ACBD5: variants seen among roughly 807,000 people sequenced by gnomAD.
ACBD5 encodes the protein acyl-CoA-binding domain-containing protein 5.
In ACBD5, 40 loss-of-function variants were observed where a neutral mutation model predicts 71.8. The ratio of observed to expected loss-of-function variants is 0.56; its 90% CI spans 0.43 to 0.72. The LOEUF is 0.72. ACBD5 is among the 30% of genes least tolerant of loss of function. The pLI is 0.00. For missense variants in ACBD5, 559 were observed against 644.5 expected, an observed-to-expected ratio of 0.87 and a Z score of 1.44; for synonymous variants, 229 against 218.6, an observed-to-expected ratio of 1.05 and a Z score of -0.42.
At chr10:27,221,848 T>G (rs12098618) in intron 5 of ACBD5, among the ~76,000 whole-genome samples, 10,169 of 143,662 alleles carry the variant, frequency 0.071, 657 homozygotes, top group African/African-American at 0.18. Context: ...AACCCAGGAG[T>G]TGGAGGTTGC....
intron 8 of ACBD5, among the ~76,000 whole-genome samples, chr10:27,212,103 G>C (rs7476091): frequency 0.99 from 151,347 of 152,292 alleles, 75,210 homozygotes; most frequent in Middle Eastern, 1. Context: ...AATCCCAGCA[G>C]TTTGGGAGGC....
In ACBD5 at chr10:27,186,451, C is replaced by T. The variant is rs1432833139; in HGVS notation, c.1494-3736G>A. ...CAGCATCAGACTATGCCTTTCATCC[C>T]CCAGCCAGATGATGAAACAGATACC... On this transcript the variant is annotated intron_variant, in intron 13 of 13. Transcript: ENST00000676511. The T allele has an allele frequency of 2.5e-6, 4 of 1,613,858 alleles. No homozygotes were observed. The South Asian group carries it at 4.4e-5, about 18-fold the overall frequency.
chr10:27,204,325 A>T, intron 12 of ACBD5, 115 bp downstream of exon 12: 1 of 735,556 alleles, frequency 1.4e-6, no homozygotes, highest in Non-Finnish European at 2.4e-6. Context: ...TAGAATGTTC[A>T]CTATGACGAT....
chr10:27,197,284 G>T lies in ACBD5; in HGVS notation c.*146C>A. On this transcript the variant is annotated 3_prime_UTR_variant, in exon 13 of 13. Transcript: ENST00000396271. Reference sequence around the variant, plus strand: ...CGTTTGTGTAGTGCAAAATATATATGTGTATATATGTACACAAACTAAACT... The same window carrying T: ...CGTTTGTGTAGTGCAAAATATATATTTGTATATATGTACACAAACTAAACT... The T allele has an allele frequency of 1.3e-6, 1 of 750,620 alleles. No homozygotes were observed. Among genetic ancestry groups the T allele is most frequent in the Non-Finnish European group, 2.4e-6 (1 of 417,968 alleles). 46.5% of individuals were successfully genotyped at this position (750,620 alleles called of 1,614,324 possible).
At chr10:27,197,557 C>T in intron 12 of ACBD5, 115 bp from the exon 13 acceptor site, 2 of 826,748 alleles carry the variant, frequency 2.4e-6, no homozygotes, top group Non-Finnish European at 3.9e-6. Flanking sequence ...ATATTACCAA[C>T]AGTCTTTATA....
intron 5 of ACBD5, among the ~76,000 whole-genome samples, chr10:27,221,581 T>C (rs1169076807): frequency 4.6e-5 from 7 of 152,206 alleles, no homozygotes; most frequent in Admixed American, 4.6e-4. Flanking sequence ...TTTATTTCCC[T>C]CTGCATCCCA....
intron 13 of ACBD5, among the ~76,000 whole-genome samples, chr10:27,185,618 C>CA (rs34847161): frequency 0.56 from 54,847 of 98,434 alleles, 15,783 homozygotes; most frequent in Non-Finnish European, 0.67. Flanking sequence ...AGGTGACAGA[C>CA]AAAAAAAAAA....
intron 4 of ACBD5, among the ~76,000 whole-genome samples, chr10:27,224,488 T>C (rs6482611): frequency 0.069 from 10,436 of 152,218 alleles, 674 homozygotes; most frequent in African/African-American, 0.17. Context: ...TAAGGTAGCG[T>C]AGTATTTCTA....
At chr10:27,237,952 A>ATTTT (rs1564733815) in intron 2 of ACBD5, among the ~76,000 whole-genome samples, 22 of 144,888 alleles carry the variant, frequency 1.5e-4, no homozygotes, top group Admixed American at 3.4e-4. Context: ...AATTTAATTT[A>ATTTT]ATTTTATTTT....
At chr10:27,197,493 T>C in intron 12 of ACBD5, 51 bp from the exon 13 acceptor site, 2 of 1,332,182 alleles carry the variant, frequency 1.5e-6, no homozygotes, top group Middle Eastern at 1.8e-4. Context: ...ATGCAAATAA[T>C]TCTCTGGATG....
At position 27,210,912 on chromosome 10, in the gene ACBD5, T is replaced by G; in HGVS notation, c.1106A>C (p.Lys369Thr). 1 of 1,614,232 alleles carries G rather than the reference T, an allele frequency of 6.2e-7. No individual in the cohort carries two copies. The highest frequency in any genetic ancestry group is 8.5e-7 in the Non-Finnish European group (1 of 1,180,044). The change falls in exon 9 of 13, where the codon AAG (lysine) becomes ACG (threonine). Residue 369 changes from lysine to threonine, a missense_variant. Physicochemically the swap from Lys to Thr is moderately conservative, Grantham distance 78 (BLOSUM62 -1). Transcript: ENST00000396271. Reference sequence around the variant, plus strand: ...ATTCCTGCCATCTTCTCCTCCATGCTTGACTTCACCTTTTCCTTCAACTGC... The same window carrying G: ...ATTCCTGCCATCTTCTCCTCCATGCGTGACTTCACCTTTTCCTTCAACTGC... Reference protein sequence around the residue: ...VVAVEGKGEVKHGGEDGRNNS... With the variant: ...VVAVEGKGEVTHGGEDGRNNS...
In ACBD5 at chr10:27,208,428, A is replaced by G; in HGVS notation, c.1222T>C (p.Leu408=). 6.2e-7 allele frequency: 1 copy of G among 1,613,926 alleles called. No individual in the cohort carries two copies. The highest frequency in any genetic ancestry group is 8.5e-7 in the Non-Finnish European group (1 of 1,180,038). The change falls in exon 10 of 13, where the codon TTG becomes CTG. Residue 408 remains leucine, a synonymous_variant. Transcript: ENST00000396271. ...TGCCGGCCCTTGGTTCCTTCGCTCA[A>G]GTGTTGCATCCTATGTCCTATTTTA... is the stretch of plus-strand genomic sequence containing the variant. ...RRGRGHRMQH[L]SEGTKGRQVG...
At chr10:27,184,217 A>C (rs548645892) in intron 13 of ACBD5, among the ~76,000 whole-genome samples, 3 of 152,206 alleles carry the variant, frequency 2.0e-5, no homozygotes, top group Admixed American at 6.5e-5. Flanking sequence ...AGGAAGAAAA[A>C]TAAAGCAGGG....
At chr10:27,227,808 A>G (rs919843361) in intron 4 of ACBD5, among the ~76,000 whole-genome samples, 1 of 151,832 alleles carries the variant, frequency 6.6e-6, no homozygotes, top group African/African-American at 2.4e-5. Context: ...CGCCTCCTTA[A>G]TTCAAGTGAT....
downstream of ACBD5, among the ~76,000 whole-genome samples, chr10:27,193,114 C>CGTGTGT (rs58983291): frequency 3.6e-3 from 293 of 80,282 alleles, 2 homozygotes; most frequent in Non-Finnish European, 4.7e-3. Flanking sequence ...TTCCTTCCTT[C>CGTGTGT]GTGTGTGTGT....
At chr10:27,225,711 G>A (rs771257407) in intron 4 of ACBD5, among the ~76,000 whole-genome samples, 2 of 152,062 alleles carry the variant, frequency 1.3e-5, no homozygotes, top group Non-Finnish European at 2.9e-5. Context: ...TTCAAACCAA[G>A]AGAAATGTTT....
chr10:27,211,805 A>G (rs1014896818), intron 8 of ACBD5, among the ~76,000 whole-genome samples: 1 of 152,208 alleles, frequency 6.6e-6, no homozygotes, highest in African/African-American at 2.4e-5. Flanking sequence ...CACCTAAGAC[A>G]TCGATGGATG....
rs1336071493 is a variant in ACBD5, at chr10:27,208,402, C to T, written c.1248G>A (p.Gln416=). 3 of 1,614,180 alleles carry T rather than the reference C, an allele frequency of 1.9e-6. No individual in the cohort carries two copies. Among genetic ancestry groups the T allele is most frequent in the Non-Finnish European group, 2.5e-6 (3 of 1,180,042 alleles). Reference sequence around the variant, plus strand: ...GCTCCCCATCACCTCCACTTCCCACCTGCCGGCCCTTGGTTCCTTCGCTCA... The same window carrying T: ...GCTCCCCATCACCTCCACTTCCCACTTGCCGGCCCTTGGTTCCTTCGCTCA... ...QHLSEGTKGR[Q]VGSGGDGERW... The change falls in exon 10 of 13, where the codon CAG becomes CAA. Residue 416 remains glutamine (Q), a synonymous_variant. Coordinates refer to ENST00000396271, the MANE Select transcript of ACBD5 (RefSeq NM_145698.5).
At chr10:27,216,575 C>T (rs1214660901) in intron 7 of ACBD5, among the ~76,000 whole-genome samples, 2 of 152,184 alleles carry the variant, frequency 1.3e-5, no homozygotes, top group African/African-American at 2.4e-5. Flanking sequence ...TGTGCCTGAC[C>T]TTTGTTCCAT....
Sources: gnomAD v4.1 joint callset for allele counts (sites outside exome capture counted in the v4.1 genomes callset) on GRCh38, gnomAD v4.1.1 for gene constraint, MANE v1.5 for transcripts, NCBI Gene and HGNC (gene_info 2026-07-23, HGNC 2026-07-21) for gene names.